Variants in F13A1 observed in about 807,000 individuals in gnomAD.
The protein encoded by F13A1 is coagulation factor XIII A chain.
Under a neutral mutation model 80.1 loss-of-function variants are expected in F13A1, and 47 were observed. The observed-to-expected ratio is 0.59, with a 90% CI of 0.46 to 0.75. The LOEUF is 0.75. Among genes scored for constraint, F13A1 ranks in the 30% least tolerant of loss-of-function variants. F13A1 has a pLI of 0.00. For missense variants in F13A1, 817 were observed against 930.4 expected (o/e 0.88, Z 1.59); for synonymous variants, 349 against 344.9 (o/e 1.01, Z -0.13).
At chr6:6,235,622 A>T (rs1243985936) in intron 6 of F13A1, among the ~76,000 whole-genome samples, 1 of 152,050 alleles carries the variant, frequency 6.6e-6, no homozygotes, top group Non-Finnish European at 1.5e-5. Context: ...AAGATTAAAA[A>T]GACTGATCAT....
At chr6:6,283,687 C>T (rs1172351495) in intron 3 of F13A1, among the ~76,000 whole-genome samples, 4 of 150,752 alleles carry the variant, frequency 2.7e-5, no homozygotes, top group African/African-American at 9.7e-5. Flanking sequence ...TTTTTTCCAT[C>T]AGCGATGTAG....
At chr6:6,157,657 G>C (rs1760499867) in intron 13 of F13A1, among the ~76,000 whole-genome samples, 1 of 152,066 alleles carries the variant, frequency 6.6e-6, no homozygotes, top group Non-Finnish European at 1.5e-5. Flanking sequence ...GGTAGCCTTG[G>C]GGCCTTGATA....
At chr6:6,313,827 T>C (rs914296707) in intron 2 of F13A1, among the ~76,000 whole-genome samples, 9 of 152,176 alleles carry the variant, frequency 5.9e-5, no homozygotes, top group Non-Finnish European at 1.3e-4. Flanking sequence ...CTGGAACCTA[T>C]AATGTTGAAG....
At chr6:6,305,594 A>G in intron 2 of F13A1, 55 bp from the exon 3 acceptor site, 2 of 1,571,486 alleles carry the variant, frequency 1.3e-6, no homozygotes, top group Non-Finnish European at 1.7e-6. Flanking sequence ...TTTAGTTTAA[A>G]CATAAACTCA....
chr6:6,154,641 T>A (rs1450927423), intron 13 of F13A1, among the ~76,000 whole-genome samples: 3 of 152,224 alleles, frequency 2.0e-5, no homozygotes, highest in South Asian at 4.1e-4. Flanking sequence ...ACAGACTGAA[T>A]TTTTCACTTT....
chr6:6,155,104 CCATA>C (rs941392629), intron 13 of F13A1, among the ~76,000 whole-genome samples: 3 of 152,148 alleles, frequency 2.0e-5, no homozygotes, highest in Admixed American at 2.0e-4. Context: ...CCTATGAAGT[CCATA>C]CATGGTTTTC....
intron 3 of F13A1, among the ~76,000 whole-genome samples, chr6:6,268,929 T>C (rs937112872): frequency 4.0e-5 from 6 of 151,324 alleles, no homozygotes; most frequent in Middle Eastern, 3.2e-3. Flanking sequence ...ACCTCAGGTG[T>C]TCCCCCCCGC....
At position 6,305,358 on chromosome 6, in the gene F13A1, G is replaced by A. The variant is rs1009684446; in HGVS notation, c.312C>T (p.Tyr104=). 1.9e-5 allele frequency: 31 copies of A among 1,614,006 alleles called. No individual in the cohort carries two copies. The highest frequency in any genetic ancestry group is 4.0e-5 in the African/African-American group (3 of 74,900). The change falls in exon 3 of 15, where the codon TAC becomes TAT. Residue 104 remains tyrosine (Y), a synonymous_variant. Transcript: ENST00000264870. ...CTTGCACATGGCACTCACCAATGACGTATTCCACCCTGAAGAGATCCCTTC... is the reference window on the plus strand; with the variant it reads ...CTTGCACATGGCACTCACCAATGACATATTCCACCCTGAAGAGATCCCTTC... ...DPRRDLFRVE[Y]VIGRYPQENK...
intron 10 of F13A1, among the ~76,000 whole-genome samples, chr6:6,190,589 C>T (rs1351411275): frequency 6.6e-6 from 1 of 151,926 alleles, no homozygotes; most frequent in African/African-American, 2.4e-5. Flanking sequence ...CTTCTCAGAT[C>T]TCCAGCTGCA....
At chr6:6,239,868 G>A (rs906658184) in intron 6 of F13A1, among the ~76,000 whole-genome samples, 2 of 152,122 alleles carry the variant, frequency 1.3e-5, no homozygotes, top group African/African-American at 2.4e-5. Context: ...TGCAGAGCAG[G>A]AGGAGGAAAA....
chr6:6,160,854 C>CTT (rs11318478), intron 13 of F13A1, among the ~76,000 whole-genome samples: 1 of 144,850 alleles, frequency 6.9e-6, no homozygotes. Context: ...ATTTTAAAAG[C>CTT]TTTTTTTTTT....
chr6:6,308,300 G>A (rs897358422), intron 2 of F13A1, among the ~76,000 whole-genome samples: 4 of 152,062 alleles, frequency 2.6e-5, no homozygotes, highest in African/African-American at 9.7e-5. Flanking sequence ...TAAGATTATA[G>A]GCGTGAGCCA....
intron 3 of F13A1, among the ~76,000 whole-genome samples, chr6:6,293,203 C>T (rs929364060): frequency 6.6e-6 from 1 of 152,078 alleles, no homozygotes; most frequent in Non-Finnish European, 1.5e-5. Flanking sequence ...ACTGTCACTT[C>T]GGAGGGCTCC....
intron 13 of F13A1, among the ~76,000 whole-genome samples, chr6:6,152,445 G>A (rs1276747629): frequency 4.6e-5 from 7 of 152,124 alleles, no homozygotes; most frequent in African/African-American, 1.4e-4. Flanking sequence ...ACATGAAGAG[G>A]AACCTGGATA....
intron 4 of F13A1, among the ~76,000 whole-genome samples, chr6:6,260,635 A>C (rs1757766641): frequency 6.6e-6 from 1 of 152,146 alleles, no homozygotes. Flanking sequence ...TTTTTGGGTT[A>C]TGCTTTGCGT....
intron 2 of F13A1, 21 bp downstream of exon 2, chr6:6,318,514 G>C (rs1177717625): frequency 6.2e-7 from 1 of 1,607,346 alleles, no homozygotes; most frequent in Non-Finnish European, 8.5e-7. Context: ...AGAGTGGTGG[G>C]GAAGGGGGGT....
At position 6,214,642 on chromosome 6, in the gene F13A1, A is replaced by C. The variant is rs565439991; in HGVS notation, c.1112+7391T>G. On this transcript the variant is annotated intron_variant, in intron 8 of 14. Coordinates refer to ENST00000264870, the MANE Select transcript of F13A1 (RefSeq NM_000129.4). ...GAACTAGAAAAGCAAGAGCAAACAC[A>C]TTCAAAAGCTAGCAGAAGGCAATAA... Among the ~76,000 whole-genome samples the C allele has an allele frequency of 9.1e-4, 89 of 97,506 alleles. No homozygotes were observed. In the Middle Eastern group the frequency reaches 0.014, roughly 15 times the overall value. 64.0% of individuals were successfully genotyped at this position (97,506 alleles called of 152,430 possible). A position where few individuals can be genotyped will look rare whatever the true frequency, so the allele number is the denominator to read the frequency against.
intron 4 of F13A1, among the ~76,000 whole-genome samples, chr6:6,260,751 A>G (rs554592607): frequency 4.6e-5 from 7 of 152,322 alleles, no homozygotes; most frequent in South Asian, 2.1e-4. Context: ...GGAAGAGATC[A>G]AGCAACAAAA....
intron 6 of F13A1, among the ~76,000 whole-genome samples, chr6:6,240,364 G>A (rs550241273): frequency 1.3e-5 from 2 of 152,146 alleles, no homozygotes; most frequent in Admixed American, 6.5e-5. Flanking sequence ...GCAGTTCATC[G>A]TCCCCCCACT....
Sources: gnomAD v4.1 joint callset for allele counts (sites outside exome capture counted in the v4.1 genomes callset) on GRCh38, gnomAD v4.1.1 for gene constraint, MANE v1.5 for transcripts, NCBI Gene and HGNC (gene_info 2026-07-23, HGNC 2026-07-21) for gene names.